Variants in PYROXD2 observed in about 807,000 individuals in gnomAD.
PYROXD2 encodes pyridine nucleotide-disulphide oxidoreductase domain 2.
PYROXD2 carries 69 observed loss-of-function variants against 71.1 expected under a neutral mutation model. That is an observed-to-expected ratio of 0.97 (90% CI 0.80 to 1.19). PYROXD2 has a LOEUF of 1.19. Ranked by LOEUF, PYROXD2 falls within the 50% of genes most tolerant of loss-of-function variation. PYROXD2 has a pLI of 0.00. For synonymous variants in PYROXD2, 287 were observed against 302.7 expected (o/e 0.95, Z 0.54); for missense variants, 745 against 748.9 (o/e 0.99, Z 0.06).
chr10:98,403,382 C>G (rs1402273590), intron 4 of PYROXD2, among the ~76,000 whole-genome samples: 1 of 152,214 alleles, frequency 6.6e-6, no homozygotes, highest in Admixed American at 6.5e-5. Context: ...CATGCGACCC[C>G]CTCCTGTTTC....
chr10:98,408,742 C>A (rs942804), intron 2 of PYROXD2, among the ~76,000 whole-genome samples: 52,511 of 152,106 alleles, frequency 0.35, 9,839 homozygotes, highest in South Asian at 0.49. Flanking sequence ...ATCTACCGAT[C>A]TAAAATGCTG....
intron 4 of PYROXD2, among the ~76,000 whole-genome samples, chr10:98,402,108 G>C (rs77382196): frequency 0.032 from 4,852 of 152,208 alleles, 250 homozygotes; most frequent in African/African-American, 0.11. Flanking sequence ...GCATCGCTAG[G>C]GGACGGGAAT....
intron 12 of PYROXD2, among the ~76,000 whole-genome samples, chr10:98,388,912 C>A (rs1842853349): frequency 6.6e-6 from 1 of 152,124 alleles, no homozygotes; most frequent in African/African-American, 2.4e-5. Context: ...CCAGAGCAGA[C>A]CAATGGAAGA....
intron 14 of PYROXD2, among the ~76,000 whole-genome samples, chr10:98,385,900 C>T (rs1233345977): frequency 6.6e-6 from 1 of 152,216 alleles, no homozygotes; most frequent in Non-Finnish European, 1.5e-5. Context: ...CTTCTTTCCT[C>T]TATACCTGGA....
At chr10:98,398,666 G>A (rs139668598) in intron 5 of PYROXD2, among the ~76,000 whole-genome samples, 128 of 152,298 alleles carry the variant, frequency 8.4e-4, no homozygotes, top group African/African-American at 2.9e-3. Flanking sequence ...TGCCTCCAGC[G>A]TGTGTGGTCG....
chr10:98,390,591 C>A lies in PYROXD2; in HGVS notation c.1292+7G>T. 1 of 1,581,870 alleles carries A rather than the reference C, an allele frequency of 6.3e-7. No homozygotes were observed. Among genetic ancestry groups the A allele is most frequent in the Admixed American group, 1.8e-5 (1 of 56,306 alleles). ...ACATCAGGGAACATAAAGTCCAGGG[C>A]CCCTACCTGTGGGAAGGCAGGCCAT... On this transcript the variant is annotated splice_region_variant and intron_variant, in intron 12 of 15. Coordinates refer to ENST00000370575, the MANE Select transcript of PYROXD2 (RefSeq NM_032709.3).
At chr10:98,392,866 G>A in intron 9 of PYROXD2, 76 bp downstream of exon 9, 1 of 1,507,324 alleles carries the variant, frequency 6.6e-7, no homozygotes, top group Non-Finnish European at 9.1e-7. Flanking sequence ...TAAAACAAGG[G>A]ACCTTCCAAA....
At chr10:98,407,350 A>C (rs1590973090) in intron 4 of PYROXD2, among the ~76,000 whole-genome samples, 1 of 152,216 alleles carries the variant, frequency 6.6e-6, no homozygotes. Flanking sequence ...CTTCAAAAGA[A>C]GTCTGATTTT....
rs1842930881 is a variant in PYROXD2, at chr10:98,391,068, C to T, written c.1077G>A (p.Glu359=). The T allele has an allele frequency of 6.2e-7, 1 of 1,612,028 alleles. No homozygotes were observed. The highest frequency in any genetic ancestry group is 2.2e-5 in the East Asian group (1 of 44,872). The change falls in exon 11 of 16, where the codon GAG becomes GAA. Residue 359 remains glutamate, a synonymous_variant. Coordinates refer to ENST00000370575, the MANE Select transcript of PYROXD2 (RefSeq NM_032709.3). ...LKLTPQEWLP[E]EFLERISQLD... is the part of the protein sequence containing the mutation. ...GCTGAGAGATTCTCTCCAGGAACTC[C>T]TCAGGAAGCCACTCCTGGAAGGAGA...
chr10:98,390,137 C>T (rs562729841), intron 12 of PYROXD2, among the ~76,000 whole-genome samples: 3 of 152,262 alleles, frequency 2.0e-5, no homozygotes, highest in African/African-American at 7.2e-5. Flanking sequence ...CCTATAGCGC[C>T]CCTGCCTGTT....
chr10:98,400,652 T>A (rs540510025), intron 4 of PYROXD2, among the ~76,000 whole-genome samples: 1 of 152,288 alleles, frequency 6.6e-6, no homozygotes, highest in African/African-American at 2.4e-5. Flanking sequence ...TGCCATGCCA[T>A]GTCATACCAC....
At chr10:98,392,765 A>G (rs1389118108) in intron 9 of PYROXD2, among the ~76,000 whole-genome samples, 177 bp downstream of exon 9, 1 of 152,200 alleles carries the variant, frequency 6.6e-6, no homozygotes, top group Admixed American at 6.5e-5. Flanking sequence ...TGACCAGGGA[A>G]TTCCAAGGGG....
intron 4 of PYROXD2, among the ~76,000 whole-genome samples, chr10:98,406,445 C>T (rs1843599593): frequency 6.6e-6 from 1 of 152,182 alleles, no homozygotes; most frequent in African/African-American, 2.4e-5. Context: ...ATCCCCAGGC[C>T]TGGCTAGATT....
chr10:98,390,659 C>A lies in PYROXD2; in HGVS notation c.1231G>T (p.Glu411Ter). 6.2e-7 allele frequency: 1 copy of A among 1,612,670 alleles called. No homozygotes were observed. The highest frequency in any genetic ancestry group is 8.5e-7 in the Non-Finnish European group (1 of 1,179,210). ...GCCTGATGAAGGAGGAGGGTGTCTT[C>A]ACAGTTCAGGTGGATGGAGCATTGG... ...HHQCSIHLNC[E>*]DTLLLHQAFE... Residue 411 changes from glutamate to a stop codon, truncating the protein, a stop_gained, in exon 12 of 16, where the codon GAA becomes TAA. Transcript: ENST00000370575. LOFTEE classifies it high-confidence loss of function.
chr10:98,389,192 C>T (rs1842864235), intron 12 of PYROXD2, among the ~76,000 whole-genome samples: 1 of 152,184 alleles, frequency 6.6e-6, no homozygotes, highest in African/African-American at 2.4e-5. Flanking sequence ...TCCACCCCCA[C>T]CGCCTCTTCC....
intron 1 of PYROXD2, 157 bp from the exon 2 acceptor site, chr10:98,411,115 A>G: frequency 9.9e-7 from 1 of 1,013,118 alleles, no homozygotes; most frequent in Non-Finnish European, 1.5e-6. Context: ...TTGGAACAGC[A>G]TCTAGTTCAA....
chr10:98,389,194 G>C (rs755126), intron 12 of PYROXD2, among the ~76,000 whole-genome samples: 1 of 151,664 alleles, frequency 6.6e-6, no homozygotes, highest in African/African-American at 2.4e-5. Context: ...CACCCCCACC[G>C]CCTCTTCCTC....
At chr10:98,407,831 CG>C in intron 3 of PYROXD2, 72 bp downstream of exon 3, 1 of 1,459,172 alleles carries the variant, frequency 6.9e-7, no homozygotes, top group Non-Finnish European at 9.3e-7. Flanking sequence ...GACCGTCACC[CG>C]GGGTCAGCAG....
chr10:98,394,177 C>T (rs1386506296), intron 8 of PYROXD2, among the ~76,000 whole-genome samples: 1 of 152,202 alleles, frequency 6.6e-6, no homozygotes, highest in Non-Finnish European at 1.5e-5. Context: ...GCACCTAGCA[C>T]AGGCAAGCGC....
Sources: allele counts gnomAD v4.1 joint callset (sites outside exome capture counted in the v4.1 genomes callset), GRCh38; gene constraint gnomAD v4.1.1; transcripts MANE v1.5; gene names NCBI Gene and HGNC (gene_info 2026-07-23, HGNC 2026-07-21).